Variants in TUB observed in about 807,000 individuals in gnomAD.
TUB encodes the protein TUB bipartite transcription factor.
In TUB, 33 loss-of-function variants were observed where a neutral mutation model predicts 59.7. The ratio of observed to expected loss-of-function variants is 0.55; its 90% CI spans 0.42 to 0.74. The LOEUF (loss-of-function observed/expected upper bound fraction) is 0.74. Ranked by LOEUF, TUB falls within the 30% of genes least tolerant of loss-of-function variation. The pLI, the probability that TUB is intolerant of heterozygous loss-of-function variation, is 0.00. For synonymous variants in TUB, 293 were observed against 256.4 expected, an observed-to-expected ratio of 1.14 and a Z score of -1.36; for missense variants, 659 against 672.0, an observed-to-expected ratio of 0.98 and a Z score of 0.21.
chr11:8,021,718 C>A (rs1942430161), intron 1 of TUB, among the ~76,000 whole-genome samples: 1 of 151,738 alleles, frequency 6.6e-6, no homozygotes, highest in Non-Finnish European at 1.5e-5. Flanking sequence ...GATCGAGATC[C>A]TCCTGGCTAA....
intron 1 of TUB, among the ~76,000 whole-genome samples, chr11:8,025,154 A>G (rs1942483824): frequency 6.6e-6 from 1 of 152,198 alleles, no homozygotes; most frequent in Non-Finnish European, 1.5e-5. Context: ...GGACAAATAT[A>G]TTTAATGTAT....
intron 2 of TUB, among the ~76,000 whole-genome samples, chr11:8,049,561 G>GTATATATATATATATATATATATA (rs372881525): frequency 1.8e-3 from 226 of 123,976 alleles, no homozygotes; most frequent in Non-Finnish European, 2.6e-3. Flanking sequence ...GTATTATGTG[G>GTATATATATATATATATATATATA]TATATATATA....
chr11:8,097,496 C>G, intron 7 of TUB, 71 bp downstream of exon 7: 3 of 1,596,552 alleles, frequency 1.9e-6, no homozygotes, highest in Non-Finnish European at 2.6e-6. Context: ...TGAAATGTGA[C>G]TGGAAGTCTC....
At chr11:8,032,837 G>T (rs531091175) in intron 1 of TUB, among the ~76,000 whole-genome samples, 1 of 152,230 alleles carries the variant, frequency 6.6e-6, no homozygotes, top group South Asian at 2.1e-4. Context: ...CGAGGGCTGA[G>T]GGAGGACCTT....
chr11:8,061,710 C>T (rs988338163), intron 2 of TUB, among the ~76,000 whole-genome samples: 2 of 152,098 alleles, frequency 1.3e-5, no homozygotes, highest in Admixed American at 1.3e-4. Flanking sequence ...TGCCTCCTGC[C>T]GCTGCCCCTA....
intron 2 of TUB, among the ~76,000 whole-genome samples, chr11:8,070,306 G>A (rs897046742): frequency 6.6e-6 from 1 of 151,890 alleles, no homozygotes; most frequent in African/African-American, 2.4e-5. Context: ...AATCTCAGTT[G>A]CATTTTATAA....
At chr11:8,020,572 C>G (rs1467388230) in intron 1 of TUB, among the ~76,000 whole-genome samples, 1 of 152,192 alleles carries the variant, frequency 6.6e-6, no homozygotes, top group Non-Finnish European at 1.5e-5. Context: ...GTCTTGTTTA[C>G]CTCCTCGAGA....
In TUB at chr11:8,100,983, T is replaced by C; in HGVS notation, c.1373T>C (p.Ile458Thr). ...TQASVKNFQI[I>T]HGNDPDYIVM... ...GCCTCCGTGAAGAACTTCCAGATCA[T>C]CCATGGCAATGACCGTGAGTGTTTC... The change falls in exon 11 of 12, where the codon ATC (isoleucine) becomes ACC (threonine). Residue 458 changes from isoleucine (I) to threonine (T), a missense_variant. By Grantham distance (89) the Ile-to-Thr change is moderately conservative. Coordinates refer to ENST00000299506, the MANE Select transcript of TUB (RefSeq NM_177972.3). The C allele has an allele frequency of 1.9e-6, 3 of 1,614,126 alleles. No homozygotes were observed. Among genetic ancestry groups the C allele is most frequent in the Non-Finnish European group, 2.5e-6 (3 of 1,180,016 alleles).
chr11:8,095,579 A>T lies in TUB; in HGVS notation c.479A>T (p.Asp160Val), dbSNP rs749493976. The change falls in exon 5 of 12, where the codon GAC becomes GTC. Residue 160 changes from aspartate to valine, a missense_variant. By Grantham distance (152) the Asp-to-Val change is radical. Transcript: ENST00000299506. ...CAGATTCTGACTGTGGGCCAGTCAGACCACGCCCAGGACGCAGGGGAGACG... is the reference window on the plus strand; with the variant it reads ...CAGATTCTGACTGTGGGCCAGTCAGTCCACGCCCAGGACGCAGGGGAGACG... ...PVQILTVGQS[D>V]HAQDAGETAA... is the part of the protein sequence containing the mutation. 7.4e-6 allele frequency: 12 copies of T among 1,613,242 alleles called. No individual in the cohort carries two copies. The South Asian group carries it at 1.3e-4, about 18-fold the overall frequency.
chr11:8,025,279 A>G (rs1407831616), intron 1 of TUB, among the ~76,000 whole-genome samples: 1 of 152,102 alleles, frequency 6.6e-6, no homozygotes, highest in Non-Finnish European at 1.5e-5. Flanking sequence ...TGTGTCATAT[A>G]GTGTGGTCAG....
chr11:8,052,557 C>T (rs1045625424), intron 2 of TUB, among the ~76,000 whole-genome samples: 17 of 150,906 alleles, frequency 1.1e-4, no homozygotes, highest in African/African-American at 3.7e-4. Context: ...GCAAGCTCTG[C>T]CTCCTGGGTT....
intron 1 of TUB, chr11:8,039,156 A>C: frequency 2.5e-6 from 3 of 1,197,630 alleles, no homozygotes; most frequent in Non-Finnish European, 3.4e-6. Flanking sequence ...CTGCTCCCCT[A>C]TCACCACGTG....
At chr11:8,095,852 C>G (rs1273320910) in intron 5 of TUB, among the ~76,000 whole-genome samples, 187 bp downstream of exon 5, 1 of 152,238 alleles carries the variant, frequency 6.6e-6, no homozygotes, top group Non-Finnish European at 1.5e-5. Context: ...CCCAGGGAGG[C>G]CCTGATTTGG....
At chr11:8,053,675 G>A (rs1942968712) in intron 2 of TUB, among the ~76,000 whole-genome samples, 1 of 150,958 alleles carries the variant, frequency 6.6e-6, no homozygotes. Context: ...GAATTTTTTT[G>A]TATTTTTAAT....
chr11:8,076,738 G>C (rs753390167), upstream of TUB: 1 of 152,124 alleles, frequency 6.6e-6, no homozygotes, highest in African/African-American at 2.4e-5. Context: ...ATAACCATTC[G>C]ATCTGGTTTT....
In TUB at chr11:8,103,153, G is replaced by A. The variant is rs1006297301; in HGVS notation, c.*1534G>A. On this transcript the variant is annotated 3_prime_UTR_variant, in exon 12 of 12. Transcript: ENST00000299506. Reference sequence around the variant, plus strand: ...GCTGCACACTTCTCGGTCTAGGTGGGAGAGAGTGCATAAAGGTTCTGGGGC... The same window carrying A: ...GCTGCACACTTCTCGGTCTAGGTGGAAGAGAGTGCATAAAGGTTCTGGGGC... 2 of 152,300 alleles carry A rather than the reference G, an allele frequency of 1.3e-5. No homozygotes were observed. The highest frequency in any genetic ancestry group is 2.9e-5 in the Non-Finnish European group (2 of 68,116). 9.4% of individuals were successfully genotyped at this position (152,300 alleles called of 1,614,324 possible). A position where few individuals can be genotyped will look rare whatever the true frequency, so the allele number is the denominator to read the frequency against.
intron 1 of TUB, among the ~76,000 whole-genome samples, chr11:8,083,478 G>A (rs149947530): frequency 6.8e-4 from 104 of 152,300 alleles, no homozygotes; most frequent in Middle Eastern, 6.8e-3. Flanking sequence ...CTGTTCCTGG[G>A]AAAGGTGGCC....
At chr11:8,058,810 C>T (rs115830710) in intron 2 of TUB, among the ~76,000 whole-genome samples, 2,304 of 152,188 alleles carry the variant, frequency 0.015, 62 homozygotes, top group African/African-American at 0.052. Context: ...AAGAGTTAGG[C>T]GAAACTCATT....
At chr11:8,052,007 T>C (rs549119381) in intron 2 of TUB, among the ~76,000 whole-genome samples, 1 of 152,360 alleles carries the variant, frequency 6.6e-6, no homozygotes, top group South Asian at 2.1e-4. Flanking sequence ...GTACTATTTC[T>C]GTACTGCATT....
Sources: gnomAD v4.1 joint callset for allele counts (sites outside exome capture counted in the v4.1 genomes callset) on GRCh38, gnomAD v4.1.1 for gene constraint, MANE v1.5 for transcripts, NCBI Gene and HGNC (gene_info 2026-07-23, HGNC 2026-07-21) for gene names.